The following ST7L variants were observed in gnomAD, a reference collection of about 807,000 sequenced individuals.
ST7L encodes suppression of tumorigenicity 7 like.
A neutral mutation model predicts 72.5 loss-of-function variants in ST7L; 57 were observed. That is an observed-to-expected ratio of 0.79 (90% CI 0.64 to 0.98). The LOEUF is 0.98. ST7L is among the 50% of genes least tolerant of loss of function. The pLI is 0.00. For missense variants in ST7L, 576 were observed against 672.2 expected (o/e 0.86, Z 1.58); for synonymous variants, 221 against 240.9 (o/e 0.92, Z 0.77).
At chr1:112,562,226 T>C (rs1411582417) in intron 11 of ST7L, among the ~76,000 whole-genome samples, 2 of 152,050 alleles carry the variant, frequency 1.3e-5, no homozygotes, top group African/African-American at 4.8e-5. Context: ...CCTTGGCCTC[T>C]TGAAGTGCTG....
chr1:112,610,807 C>T (rs111871598), intron 3 of ST7L, 34 bp downstream of exon 3: 1 of 1,606,918 alleles, frequency 6.2e-7, no homozygotes, highest in Non-Finnish European at 8.5e-7. Context: ...ATCTTAAATA[C>T]ACAGCTCTGA....
chr1:112,610,799 C>A (rs763057483), intron 3 of ST7L, 42 bp downstream of exon 3: 22 of 1,599,456 alleles, frequency 1.4e-5, no homozygotes, highest in Non-Finnish European at 1.0e-5. Flanking sequence ...CAAACTCAAT[C>A]TTAAATACAC....
At chr1:112,569,266 A>G (rs937708895) in intron 11 of ST7L, among the ~76,000 whole-genome samples, 1 of 152,214 alleles carries the variant, frequency 6.6e-6, no homozygotes, top group African/African-American at 2.4e-5. Flanking sequence ...AAACTTGTAC[A>G]TGAATGTTCA....
At chr1:112,528,449 C>G (rs1186297421) in intron 14 of ST7L, 1 of 151,930 alleles carries the variant, frequency 6.6e-6, no homozygotes, top group Non-Finnish European at 1.5e-5. Flanking sequence ...CATCAGGGCA[C>G]CTATGGAAAA....
chr1:112,551,597 A>G (rs1229623779), intron 12 of ST7L, among the ~76,000 whole-genome samples: 1 of 148,602 alleles, frequency 6.7e-6, no homozygotes, highest in Non-Finnish European at 1.5e-5. Flanking sequence ...ATGTTACAAG[A>G]ATCGAGTAGC....
At chr1:112,618,148 A>G (rs1463484237) in intron 1 of ST7L, 2 of 1,274,346 alleles carry the variant, frequency 1.6e-6, no homozygotes, top group Non-Finnish European at 1.0e-6. Context: ...GTGAAATATA[A>G]TCACATGGTA....
chr1:112,541,687 A>G (rs190446171), intron 14 of ST7L: 10,439 of 778,988 alleles, frequency 0.013, 94 homozygotes, highest in South Asian at 0.016. Context: ...GTTTATCACC[A>G]AAAGTGATCT....
chr1:112,568,587 A>T (rs1020847916), intron 11 of ST7L, among the ~76,000 whole-genome samples: 3 of 151,366 alleles, frequency 2.0e-5, no homozygotes, highest in Non-Finnish European at 2.9e-5. Context: ...CGCCCGCCTC[A>T]GCCTCCCAAA....
chr1:112,591,009 C>T (rs1490087225), intron 6 of ST7L, among the ~76,000 whole-genome samples: 1 of 147,416 alleles, frequency 6.8e-6, no homozygotes, highest in African/African-American at 2.5e-5. Flanking sequence ...TGGCTCACTA[C>T]AAACTCCACC....
At chr1:112,552,605 T>C (rs1032392048) in intron 12 of ST7L, among the ~76,000 whole-genome samples, 2 of 152,154 alleles carry the variant, frequency 1.3e-5, no homozygotes, top group Admixed American at 6.5e-5. Flanking sequence ...GGTTTCTCCA[T>C]GTTGGTCAGG....
intron 3 of ST7L, chr1:112,607,646 G>A (rs1668450055): frequency 6.6e-6 from 1 of 151,942 alleles, no homozygotes; most frequent in Middle Eastern, 3.2e-3. Context: ...TGATTTTTAA[G>A]GGGGAATACA....
At position 112,577,374 on chromosome 1, in the gene ST7L, C is replaced by T. The variant is rs752297162; in HGVS notation, c.1143-286G>A. Among the ~76,000 whole-genome samples the T allele has an allele frequency of 9.3e-5, 14 of 150,946 alleles. No individual in the cohort carries two copies. The South Asian group carries it at 1.9e-3, about 20-fold the overall frequency. ...AGAAACCCCGTCTCTACTACAAATA[C>T]AAAATTAGCTGGGTGTGGTGGTGTG... On this transcript the variant is annotated intron_variant, in intron 10 of 14. Transcript: ENST00000358039.
chr1:112,586,093 C>G (rs1664831408), intron 6 of ST7L, among the ~76,000 whole-genome samples: 1 of 152,206 alleles, frequency 6.6e-6, no homozygotes. Context: ...TTACATTACA[C>G]TAGATCCCTG....
At chr1:112,572,202 T>C (rs1662253170) in intron 11 of ST7L, among the ~76,000 whole-genome samples, 1 of 152,216 alleles carries the variant, frequency 6.6e-6, no homozygotes, top group Non-Finnish European at 1.5e-5. Context: ...TCATCCAGGC[T>C]TTGTTGTTCC....
At chr1:112,596,388 T>C (rs1170691827) in intron 5 of ST7L, among the ~76,000 whole-genome samples, 5 of 152,214 alleles carry the variant, frequency 3.3e-5, no homozygotes, top group Admixed American at 3.3e-4. Flanking sequence ...ACAGCCAGTC[T>C]TGAGTTTGAA....
chr1:112,575,653 C>A (rs546287781), intron 11 of ST7L, among the ~76,000 whole-genome samples: 9 of 152,214 alleles, frequency 5.9e-5, no homozygotes, highest in African/African-American at 2.2e-4. Context: ...TGTAAGATTT[C>A]ATCAAGCTAC....
chr1:112,526,805 C>T (rs941371418), intron 14 of ST7L: 15 of 151,810 alleles, frequency 9.9e-5, no homozygotes, highest in East Asian at 1.9e-4. Context: ...TTAAAAATGA[C>T]GTCAACTCCT....
chr1:112,556,116 G>T, intron 11 of ST7L, 98 bp from the exon 12 acceptor site: 1 of 966,662 alleles, frequency 1.0e-6, no homozygotes, highest in Non-Finnish European at 1.4e-6. Flanking sequence ...GATTCAAAGT[G>T]TTAGAAAGTT....
chr1:112,600,950 C>T, intron 3 of ST7L, 102 bp from the exon 4 acceptor site: 1 of 927,918 alleles, frequency 1.1e-6, no homozygotes, highest in Non-Finnish European at 1.7e-6. Context: ...CAGTGCTAGC[C>T]ACAGATGGTA....
Sources: allele counts gnomAD v4.1 joint callset (sites outside exome capture counted in the v4.1 genomes callset), GRCh38; gene constraint gnomAD v4.1.1; transcripts MANE v1.5; gene names NCBI Gene and HGNC (gene_info 2026-07-23, HGNC 2026-07-21).